Variants in NRXN3 observed in about 807,000 individuals in gnomAD.
The protein encoded by NRXN3 is neurexin 3, also known as neurexin III.
NRXN3 carries 32 observed loss-of-function variants against 137.6 expected under a neutral mutation model. That is an observed-to-expected ratio of 0.23 (90% confidence interval 0.18 to 0.31). The LOEUF (loss-of-function observed/expected upper bound fraction) is 0.31, where lower values mean the gene tolerates loss of function less well. NRXN3 is among the 10% of genes least tolerant of loss of function. The pLI, the probability that NRXN3 is intolerant of heterozygous loss-of-function variation, is 1.00. For missense variants in NRXN3, 1,574 were observed against 2,062.5 expected, an observed-to-expected ratio of 0.76 and a Z score of 4.59; for synonymous variants, 798 against 784.5, an observed-to-expected ratio of 1.02 and a Z score of -0.29.
chr14:79,750,715 C>T (rs1009597005), intron 19 of NRXN3, among the ~76,000 whole-genome samples: 12 of 152,152 alleles, frequency 7.9e-5, no homozygotes. Flanking sequence ...ATACATCTCT[C>T]ATTCCGCAAA....
In NRXN3 at chr14:78,926,947, TA is replaced by T. The variant is rs1227331624; in HGVS notation, c.2276-30293del. Among the ~76,000 whole-genome samples the T allele has an allele frequency of 6.5e-5, 3 of 46,024 alleles. 1 individual carries two copies. The highest frequency in any genetic ancestry group is 3.2e-4 in the African/African-American group (2 of 6,338). The allele number at this position is 46,024 out of a possible 152,430, so 30.2% of individuals were successfully genotyped here. On this transcript the variant is annotated intron_variant, in intron 10 of 20. Coordinates refer to ENST00000335750, the MANE Select transcript of NRXN3 (RefSeq NM_001330195.2). Reference sequence around the variant, plus strand: ...TATATAATATATTTATATATATATATAATATATATAATATATATATAATATA... The same window carrying T: ...TATATAATATATTTATATATATATATATATATATAATATATATATAATATA...
chr14:79,850,582 T>C (rs1471642345), intron 20 of NRXN3, among the ~76,000 whole-genome samples: 3 of 152,200 alleles, frequency 2.0e-5, no homozygotes, highest in Non-Finnish European at 2.9e-5. Context: ...TATTAGGACA[T>C]GGTGGGATAA....
intron 10 of NRXN3, among the ~76,000 whole-genome samples, chr14:78,913,683 A>T (rs879451984): frequency 2.6e-5 from 4 of 152,120 alleles, no homozygotes; most frequent in Non-Finnish European, 5.9e-5. Flanking sequence ...TGAGGTTTAA[A>T]GTTTCTGCTT....
chr14:79,519,683 C>T (rs550125031), intron 16 of NRXN3, among the ~76,000 whole-genome samples: 11 of 151,266 alleles, frequency 7.3e-5, no homozygotes, highest in Non-Finnish European at 1.0e-4. Flanking sequence ...TTTAAAATTT[C>T]TGATTGGAAT....
At chr14:79,694,935 A>G (rs182640348) in intron 18 of NRXN3, among the ~76,000 whole-genome samples, 113 of 152,140 alleles carry the variant, frequency 7.4e-4, no homozygotes, top group East Asian at 1.2e-3. Flanking sequence ...AACACTCCCT[A>G]TGGCAAGATG....
chr14:78,886,801 C>A (rs892215977), intron 10 of NRXN3, among the ~76,000 whole-genome samples: 3 of 152,116 alleles, frequency 2.0e-5, no homozygotes, highest in Non-Finnish European at 4.4e-5. Context: ...GCTAGTGATA[C>A]CCCAGCCTTG....
intron 15 of NRXN3, among the ~76,000 whole-genome samples, chr14:79,044,461 A>C (rs1239596828): frequency 1.3e-5 from 2 of 152,224 alleles, no homozygotes; most frequent in East Asian, 3.8e-4. Flanking sequence ...ACAAGGGAGA[A>C]TAATGATTGT....
chr14:78,176,681 G>C (rs919696608), intron 1 of NRXN3, among the ~76,000 whole-genome samples: 4 of 152,168 alleles, frequency 2.6e-5, no homozygotes, highest in Admixed American at 2.6e-4. Context: ...CACGTTTGAT[G>C]CAGAGACAAA....
chr14:79,095,073 C>T (rs2050048385), intron 15 of NRXN3, among the ~76,000 whole-genome samples: 1 of 150,672 alleles, frequency 6.6e-6, no homozygotes, highest in South Asian at 2.1e-4. Context: ...TAACTGAACT[C>T]CTAAGCATTC....
chr14:79,637,385 A>G (rs569159159), intron 16 of NRXN3, among the ~76,000 whole-genome samples: 3 of 152,274 alleles, frequency 2.0e-5, no homozygotes, highest in South Asian at 4.1e-4. Context: ...AAGCCCCACC[A>G]CATTGTAAAG....
At chr14:78,723,689 T>G (rs1249959207) in intron 8 of NRXN3, among the ~76,000 whole-genome samples, 2 of 152,214 alleles carry the variant, frequency 1.3e-5, no homozygotes, top group South Asian at 2.1e-4. Context: ...AGAATCAAAG[T>G]GTATAATGTG....
At chr14:78,498,212 T>A (rs910981652) in intron 4 of NRXN3, among the ~76,000 whole-genome samples, 4 of 152,136 alleles carry the variant, frequency 2.6e-5, no homozygotes, top group African/African-American at 9.7e-5. Context: ...CAGTGCCAGA[T>A]GGGAGTGTCA....
intron 4 of NRXN3, among the ~76,000 whole-genome samples, chr14:78,348,052 T>C (rs1027262725): frequency 2.6e-5 from 4 of 152,116 alleles, no homozygotes; most frequent in African/African-American, 7.2e-5. Context: ...TTCTGAGAGA[T>C]TAACTGAATC....
intron 16 of NRXN3, among the ~76,000 whole-genome samples, chr14:79,521,120 GAA>G (rs1567370333): frequency 6.6e-6 from 1 of 152,110 alleles, no homozygotes; most frequent in Non-Finnish European, 1.5e-5. Flanking sequence ...TGTAAAAGTT[GAA>G]AGTCTTTGTC....
intron 6 of NRXN3, among the ~76,000 whole-genome samples, chr14:78,669,925 T>C (rs372717686): frequency 9.2e-5 from 14 of 152,116 alleles, no homozygotes; most frequent in African/African-American, 3.4e-4. Flanking sequence ...TTTTGTTACT[T>C]GGGTATACGC....
At chr14:78,181,985 T>C (rs546540208) in intron 1 of NRXN3, among the ~76,000 whole-genome samples, 4 of 152,254 alleles carry the variant, frequency 2.6e-5, no homozygotes, top group Admixed American at 2.6e-4. Flanking sequence ...TGATGGAATT[T>C]AAGCTTAGGT....
intron 16 of NRXN3, among the ~76,000 whole-genome samples, chr14:79,484,498 A>G (rs951526486): frequency 1.3e-5 from 2 of 152,164 alleles, no homozygotes; most frequent in East Asian, 1.9e-4. Flanking sequence ...GTTTAACTCT[A>G]CTGGGCCAGT....
chr14:78,485,883 A>C (rs2095552925), intron 4 of NRXN3, among the ~76,000 whole-genome samples: 3 of 152,256 alleles, frequency 2.0e-5, no homozygotes, highest in Non-Finnish European at 4.4e-5. Flanking sequence ...CAGAAATGTT[A>C]TTAATTCACA....
chr14:78,604,278 C>T (rs2097227378), intron 4 of NRXN3, among the ~76,000 whole-genome samples: 1 of 151,002 alleles, frequency 6.6e-6, no homozygotes, highest in Non-Finnish European at 1.5e-5. Flanking sequence ...ACAGCCAAAC[C>T]ATGTCATCCT....
Sources: gnomAD v4.1 joint callset for allele counts (sites outside exome capture counted in the v4.1 genomes callset) on GRCh38, gnomAD v4.1.1 for gene constraint, MANE v1.5 for transcripts, NCBI Gene and HGNC (gene_info 2026-07-23, HGNC 2026-07-21) for gene names.